The following RIN2 variants were observed in gnomAD, a reference collection of about 807,000 sequenced individuals.
The protein encoded by RIN2 is RAB5 interacting protein 2.
RIN2 carries 36 observed loss-of-function variants against 78.0 expected under a neutral mutation model. The observed-to-expected ratio is 0.46, with a 90% confidence interval of 0.35 to 0.61. The LOEUF is 0.61. Ranked by LOEUF, RIN2 falls within the 20% of genes least tolerant of loss-of-function variation. The pLI is 0.00. For synonymous variants in RIN2, 466 were observed against 466.8 expected (o/e 1.00, Z 0.02); for missense variants, 1,087 against 1,159.7 (o/e 0.94, Z 0.91).
chr20:19,907,151 A>G (rs117305578), intron 3 of RIN2, among the ~76,000 whole-genome samples: 2,049 of 152,236 alleles, frequency 0.013, 19 homozygotes, highest in Non-Finnish European at 0.021. Flanking sequence ...AGAGAAGGAA[A>G]AGGGGCTGAA....
rs1382703592 is a variant in RIN2 at position 20,001,696 on chromosome 20, G to A, written c.*760G>A. 1 of 152,456 alleles carries A rather than the reference G, an allele frequency of 6.6e-6. No individual in the cohort carries two copies. The highest frequency in any genetic ancestry group is 1.5e-5 in the Non-Finnish European group (1 of 68,022). 9.4% of individuals were successfully genotyped at this position (152,456 alleles called of 1,614,324 possible). A position where few individuals can be genotyped will look rare whatever the true frequency, so the allele number is the denominator to read the frequency against. On this transcript the variant is annotated 3_prime_UTR_variant, in exon 13 of 13. Coordinates refer to ENST00000255006, the MANE Select transcript of RIN2 (RefSeq NM_018993.4). Reference sequence around the variant, plus strand: ...TGGAAATCGGATGTACTGTTCTCTTGTTCACGTTTAGTGGTGTTTTGCTGT... The same window carrying A: ...TGGAAATCGGATGTACTGTTCTCTTATTCACGTTTAGTGGTGTTTTGCTGT...
chr20:19,859,439 T>C (rs1389316162), intron 2 of RIN2, among the ~76,000 whole-genome samples: 1 of 152,218 alleles, frequency 6.6e-6, no homozygotes, highest in Admixed American at 6.5e-5. Flanking sequence ...GTGCATAAAA[T>C]GCCAATTTCC....
rs763964401 is a variant in RIN2, at chr20:19,975,244, G to C, written c.1219G>C (p.Asp407His). 6.3e-7 allele frequency: 1 copy of C among 1,583,370 alleles called. No homozygotes were observed. The highest frequency in any genetic ancestry group is 1.1e-5 in the South Asian group (1 of 88,000). ...GGCCCCGCCTGAGGCCGCCCCGGGG[G>C]ATTGCACAAGGGCCCCGCCGCCCAG... ...GGAPPEAAPG[D>H]CTRAPPPSSE... Residue 407 changes from aspartate (D) to histidine (H), a missense_variant, in exon 9 of 13, where the codon GAT becomes CAT. Coordinates refer to ENST00000255006, the MANE Select transcript of RIN2 (RefSeq NM_018993.4). This position sits in a 1 kb window ranked among gnomAD's most constrained non-coding sequence, Gnocchi z 4.9.
rs190171744 is a variant in RIN2 at position 19,930,976 on chromosome 20, C to T, written c.58-4123C>T. 1.7e-3 allele frequency among the ~76,000 whole-genome samples: 258 copies of T among 152,230 alleles called. 2 individuals carry two copies. The highest frequency in any genetic ancestry group is 5.7e-3 in the African/African-American group (237 of 41,530). ...TTAAGAAATAAAATCTTTCCAGGCA[C>T]GGTGGTGCCTATCTGCAATCCCAGA... On this transcript the variant is annotated intron_variant, in intron 3 of 12. Coordinates refer to ENST00000255006, the MANE Select transcript of RIN2 (RefSeq NM_018993.4).
At chr20:19,862,615 A>G (rs1397377701) in intron 2 of RIN2, among the ~76,000 whole-genome samples, 4 of 151,978 alleles carry the variant, frequency 2.6e-5, no homozygotes, top group African/African-American at 9.7e-5. Flanking sequence ...CAAACAAACA[A>G]ACAAACAAGC....
intron 4 of RIN2, among the ~76,000 whole-genome samples, chr20:19,953,352 G>C (rs1047653896): frequency 2.0e-5 from 3 of 152,058 alleles, no homozygotes; most frequent in Non-Finnish European, 2.9e-5. Context: ...GGCTGGTCTT[G>C]AACTCCTGAC....
chr20:19,988,867 T>C (rs1334299419), intron 9 of RIN2, among the ~76,000 whole-genome samples: 2 of 151,696 alleles, frequency 1.3e-5, no homozygotes, highest in Non-Finnish European at 2.9e-5. Context: ...TGTTAGCACT[T>C]CGCCACATCT....
At chr20:19,836,736 A>T (rs1027696341) in intron 2 of RIN2, among the ~76,000 whole-genome samples, 1 of 152,220 alleles carries the variant, frequency 6.6e-6, no homozygotes, top group African/African-American at 2.4e-5. Context: ...TGATAGAGGA[A>T]GATAATGAGT....
intron 1 of RIN2, among the ~76,000 whole-genome samples, chr20:19,763,458 G>A (rs2033735032): frequency 6.6e-6 from 1 of 152,152 alleles, no homozygotes; most frequent in Admixed American, 6.5e-5. Context: ...TCAGCTGAAA[G>A]TGTGAATAGA....
At chr20:19,940,650 C>T (rs931934258) in intron 4 of RIN2, among the ~76,000 whole-genome samples, 1 of 152,260 alleles carries the variant, frequency 6.6e-6, no homozygotes, top group African/African-American at 2.4e-5. Context: ...CCTGCTTCCT[C>T]TCTTCCCACT....
At chr20:19,997,169 G>A (rs1297247031) in intron 12 of RIN2, among the ~76,000 whole-genome samples, 8 of 152,178 alleles carry the variant, frequency 5.3e-5, no homozygotes, top group Non-Finnish European at 7.3e-5. Context: ...GGAAACAGCC[G>A]CTGTGTTACG....
intron 2 of RIN2, among the ~76,000 whole-genome samples, chr20:19,886,324 AG>A (rs1347048239): frequency 6.6e-6 from 1 of 152,192 alleles, no homozygotes; most frequent in African/African-American, 2.4e-5. Context: ...GAGCCCAGCC[AG>A]GGGACGCAGG....
intron 4 of RIN2, among the ~76,000 whole-genome samples, chr20:19,936,901 A>C (rs1014209421): frequency 2.6e-5 from 4 of 152,274 alleles, no homozygotes; most frequent in African/African-American, 9.6e-5. Flanking sequence ...GGAAAAAGCA[A>C]GATGAGTTGT....
At chr20:19,807,585 C>T (rs2035447426) in intron 2 of RIN2, among the ~76,000 whole-genome samples, 1 of 151,940 alleles carries the variant, frequency 6.6e-6, no homozygotes, top group Admixed American at 6.6e-5. Context: ...AGATGGTGAG[C>T]TTGTTCCTCC....
chr20:19,865,416 A>G (rs1326140935), intron 2 of RIN2, among the ~76,000 whole-genome samples: 1 of 152,112 alleles, frequency 6.6e-6, no homozygotes, highest in African/African-American at 2.4e-5. Flanking sequence ...ACCTTAATAC[A>G]TACCCTGAGG....
At chr20:19,847,932 T>C (rs1258484821) in intron 2 of RIN2, among the ~76,000 whole-genome samples, 4 of 152,182 alleles carry the variant, frequency 2.6e-5, no homozygotes, top group Non-Finnish European at 4.4e-5. Context: ...ATGGTCCTTG[T>C]TGCAAACATT....
chr20:19,978,425 T>C (rs1018442128), intron 9 of RIN2, among the ~76,000 whole-genome samples: 1 of 152,228 alleles, frequency 6.6e-6, no homozygotes, highest in Admixed American at 6.5e-5. Flanking sequence ...GGTTCTTCAG[T>C]TACATAGAGA....
At chr20:19,840,919 A>G (rs1018647908) in intron 2 of RIN2, among the ~76,000 whole-genome samples, 2 of 152,160 alleles carry the variant, frequency 1.3e-5, no homozygotes, top group Non-Finnish European at 2.9e-5. Flanking sequence ...CATAACCCAC[A>G]TGTAAGAACG....
At chr20:19,915,883 C>G (rs2039663045) in intron 3 of RIN2, among the ~76,000 whole-genome samples, 1 of 152,184 alleles carries the variant, frequency 6.6e-6, no homozygotes, top group African/African-American at 2.4e-5. Flanking sequence ...AGATTCATCT[C>G]CCCTATCCAA....
Sources: allele counts gnomAD v4.1 joint callset (sites outside exome capture counted in the v4.1 genomes callset), GRCh38; gene constraint gnomAD v4.1.1; non-coding constraint Gnocchi (gnomAD v3.1); transcripts MANE v1.5; gene names NCBI Gene and HGNC (gene_info 2026-07-23, HGNC 2026-07-21).